The following KIAA1217 variants were observed in gnomAD, a reference collection of about 807,000 sequenced individuals.
KIAA1217 encodes the protein sickle tail protein homolog.
KIAA1217 carries 88 observed loss-of-function variants against 163.9 expected under a neutral mutation model. That is an observed-to-expected ratio of 0.54 (90% CI 0.45 to 0.64). The LOEUF (loss-of-function observed/expected upper bound fraction) is 0.64. Among genes scored for constraint, KIAA1217 ranks in the 30% least tolerant of loss-of-function variants. KIAA1217 has a pLI of 0.00. For synonymous variants in KIAA1217, 903 were observed against 923.1 expected (o/e 0.98, Z 0.39); for missense variants, 2,372 against 2,475.0 (o/e 0.96, Z 0.88).
chr10:23,776,148 G>A (rs1191988029), intron 1 of KIAA1217, among the ~76,000 whole-genome samples: 1 of 152,116 alleles, frequency 6.6e-6, no homozygotes, highest in African/African-American at 2.4e-5. Context: ...TACCATTGAA[G>A]ATGATCACCT....
chr10:24,439,423 G>T (rs1272117968), intron 5 of KIAA1217, among the ~76,000 whole-genome samples: 1 of 152,174 alleles, frequency 6.6e-6, no homozygotes, highest in Non-Finnish European at 1.5e-5. Flanking sequence ...GCACTGTTCT[G>T]TCTTGGAGCT....
intron 1 of KIAA1217, among the ~76,000 whole-genome samples, chr10:23,925,347 G>A (rs11013789): frequency 0.17 from 25,405 of 151,928 alleles, 4,825 homozygotes; most frequent in African/African-American, 0.47. Context: ...GCACTAGAGA[G>A]GCATCAGGAA....
chr10:24,176,301 G>T (rs544021801), intron 2 of KIAA1217, among the ~76,000 whole-genome samples: 1 of 152,158 alleles, frequency 6.6e-6, no homozygotes, highest in East Asian at 2.0e-4. Context: ...TAGACACAGA[G>T]TGCTGATTGG....
chr10:23,796,379 A>C (rs904944234), intron 1 of KIAA1217, among the ~76,000 whole-genome samples: 1 of 147,664 alleles, frequency 6.8e-6, no homozygotes, highest in Non-Finnish European at 1.5e-5. Flanking sequence ...TTATTTTTTA[A>C]TTGAGACGAA....
intron 2 of KIAA1217, among the ~76,000 whole-genome samples, chr10:24,020,553 C>T (rs1351993521): frequency 6.6e-6 from 1 of 151,970 alleles, no homozygotes; most frequent in Non-Finnish European, 1.5e-5. Flanking sequence ...AGAGAGACCA[C>T]AGAAAAGTGC....
chr10:24,341,516 A>G (rs1195940956), intron 2 of KIAA1217, among the ~76,000 whole-genome samples: 1 of 152,178 alleles, frequency 6.6e-6, no homozygotes, highest in African/African-American at 2.4e-5. Flanking sequence ...CTACTTGTAG[A>G]TACGTATAGT....
In KIAA1217 at chr10:24,006,776, C is replaced by G. The variant is rs1847017384; in HGVS notation, c.-320-449C>G. On this transcript the variant is annotated intron_variant, in intron 1 of 18. Coordinates refer to the KIAA1217 transcript ENST00000376462. ...GCATGGCTGAGGGAACCAGGCATCT[C>G]TGTGTAGCAGGCTCTTGGAGCGGCA... is the stretch of plus-strand genomic sequence containing the variant. Among the ~76,000 whole-genome samples, 3 of 152,188 alleles carry G rather than the reference C, an allele frequency of 2.0e-5. 1 individual carries two copies. The South Asian group carries it at 6.2e-4, about 32-fold the overall frequency.
intron 1 of KIAA1217, among the ~76,000 whole-genome samples, chr10:23,963,074 G>A (rs946612108): frequency 2.6e-5 from 4 of 151,862 alleles, no homozygotes; most frequent in African/African-American, 4.8e-5. Context: ...ACCTTTTTTC[G>A]ACCTACAAAA....
chr10:24,530,306 A>G (rs999296316), intron 14 of KIAA1217, among the ~76,000 whole-genome samples: 1 of 152,062 alleles, frequency 6.6e-6, no homozygotes, highest in Admixed American at 6.6e-5. Flanking sequence ...TTACTCCCCA[A>G]GGTATTTTGA....
chr10:24,502,759 G>T (rs1177140922), intron 9 of KIAA1217, among the ~76,000 whole-genome samples: 1 of 152,176 alleles, frequency 6.6e-6, no homozygotes, highest in Non-Finnish European at 1.5e-5. Flanking sequence ...TTGGGAGGAC[G>T]AGGCAGGTGG....
At chr10:23,905,063 CTTTTTTTTTTT>C (rs562938938) in intron 1 of KIAA1217, among the ~76,000 whole-genome samples, 1 of 99,948 alleles carries the variant, frequency 1.0e-5, no homozygotes, top group Non-Finnish European at 2.0e-5. Flanking sequence ...TTCTCTTTTC[CTTTTTTTTTTT>C]TTTTTTTTTT....
intron 2 of KIAA1217, among the ~76,000 whole-genome samples, chr10:24,076,071 C>T (rs1359998116): frequency 1.3e-5 from 2 of 152,078 alleles, no homozygotes; most frequent in Non-Finnish European, 2.9e-5. Context: ...GGAGTAGGGC[C>T]TCTGAGGGCC....
intron 1 of KIAA1217, among the ~76,000 whole-genome samples, chr10:23,830,717 G>GCTA (rs1838149302): frequency 6.6e-6 from 1 of 151,836 alleles, no homozygotes; most frequent in Non-Finnish European, 1.5e-5. Context: ...TAGATAGATA[G>GCTA]GTAGATAGAT....
intron 1 of KIAA1217, among the ~76,000 whole-genome samples, chr10:23,718,121 C>A (rs935972444): frequency 6.6e-6 from 1 of 152,120 alleles, no homozygotes; most frequent in Non-Finnish European, 1.5e-5. Flanking sequence ...AAAGTTATTG[C>A]GGTTTTTGCC....
chr10:24,390,456 A>G (rs1591540225), intron 3 of KIAA1217, among the ~76,000 whole-genome samples: 1 of 128,208 alleles, frequency 7.8e-6, no homozygotes, highest in African/African-American at 3.3e-5. Context: ...TATGGGGGAA[A>G]AAAGGAGGGA....
intron 14 of KIAA1217, among the ~76,000 whole-genome samples, chr10:24,529,250 G>A (rs561220121): frequency 6.6e-6 from 1 of 152,234 alleles, no homozygotes; most frequent in Admixed American, 6.5e-5. Flanking sequence ...GGACGTTCCA[G>A]TTCCTGGTAT....
chr10:24,105,609 CT>C (rs2062595125), intron 2 of KIAA1217, among the ~76,000 whole-genome samples: 1 of 152,208 alleles, frequency 6.6e-6, no homozygotes, highest in African/African-American at 2.4e-5. Context: ...CCTGCAGGGG[CT>C]GCAGTTCTGC....
intron 1 of KIAA1217, among the ~76,000 whole-genome samples, chr10:23,825,776 G>A (rs1055379731): frequency 4.6e-5 from 7 of 152,154 alleles, no homozygotes; most frequent in Non-Finnish European, 5.9e-5. Flanking sequence ...GTGGTAAAAC[G>A]TGGATTTTTG....
chr10:24,253,235 G>A (rs1240328367), intron 2 of KIAA1217, among the ~76,000 whole-genome samples: 4 of 152,130 alleles, frequency 2.6e-5, no homozygotes, highest in Non-Finnish European at 5.9e-5. Flanking sequence ...TTAAGCAGAA[G>A]AGTGATAGAA....
Sources: allele counts gnomAD v4.1 joint callset (sites outside exome capture counted in the v4.1 genomes callset), GRCh38; gene constraint gnomAD v4.1.1; transcripts MANE v1.5; gene names NCBI Gene and HGNC (gene_info 2026-07-23, HGNC 2026-07-21).